The following MTUS2 variants were observed in gnomAD, a reference collection of about 807,000 sequenced individuals.
The protein encoded by MTUS2 is microtubule-associated tumor suppressor candidate 2.
A neutral mutation model predicts 114.1 loss-of-function variants in MTUS2; 40 were observed. That is an observed-to-expected ratio of 0.35 (90% confidence interval 0.27 to 0.46). The LOEUF (loss-of-function observed/expected upper bound fraction) is 0.46. Among genes scored for constraint, MTUS2 ranks in the 20% least tolerant of loss-of-function variants. The probability of loss-of-function intolerance (pLI) is 1.00; values close to 1 mark genes in which losing one functional copy is unlikely to be tolerated. For synonymous variants in MTUS2, 688 were observed against 672.0 expected, an observed-to-expected ratio of 1.02 and a Z score of -0.37; for missense variants, 1,679 against 1,705.4, an observed-to-expected ratio of 0.98 and a Z score of 0.27.
At chr13:28,822,387 T>C (rs1468326953) in intron 1 of MTUS2, among the ~76,000 whole-genome samples, 1 of 152,222 alleles carries the variant, frequency 6.6e-6, no homozygotes, top group East Asian at 1.9e-4. Flanking sequence ...CGCACTTTTA[T>C]AATGAATTGC....
chr13:28,910,709 T>C (rs1431274132), intron 2 of MTUS2, among the ~76,000 whole-genome samples: 1 of 152,142 alleles, frequency 6.6e-6, no homozygotes, highest in East Asian at 1.9e-4. Flanking sequence ...AAGGACATGA[T>C]CTCATTTCTT....
chr13:29,072,838 T>A (rs1018872503), intron 4 of MTUS2, among the ~76,000 whole-genome samples: 2 of 152,236 alleles, frequency 1.3e-5, no homozygotes, highest in South Asian at 2.1e-4. Context: ...CTGAAAGATA[T>A]TAGTACAAGG....
chr13:29,108,451 A>G (rs1299283560), intron 5 of MTUS2, among the ~76,000 whole-genome samples: 1 of 152,216 alleles, frequency 6.6e-6, no homozygotes, highest in Non-Finnish European at 1.5e-5. Flanking sequence ...TAGTACAAAT[A>G]ATGTCTAGTT....
intron 5 of MTUS2, among the ~76,000 whole-genome samples, chr13:29,254,168 C>T (rs985288887): frequency 6.6e-6 from 1 of 152,160 alleles, no homozygotes; most frequent in African/African-American, 2.4e-5. Flanking sequence ...GCAATTATGG[C>T]TAATTGTGAA....
At chr13:29,082,910 G>T (rs1178089786) in intron 4 of MTUS2, among the ~76,000 whole-genome samples, 2 of 152,158 alleles carry the variant, frequency 1.3e-5, no homozygotes, top group Admixed American at 1.3e-4. Flanking sequence ...AGCTTTTATA[G>T]TGAGGAGTCT....
In MTUS2 at chr13:28,903,888, A is replaced by T. The variant is rs568100625; in HGVS notation, c.-243+64038A>T. 2.9e-4 allele frequency among the ~76,000 whole-genome samples: 44 copies of T among 152,122 alleles called. No homozygotes were observed. The East Asian group carries it at 6.4e-3, about 22-fold the overall frequency. ...TTTACAGTCCCACCAACAGTGTAAA[A>T]GTGTTCCTATTTCTCCACATCCTCT... On this transcript the variant is annotated intron_variant, in intron 2 of 15. Transcript: ENST00000612955.
chr13:29,088,781 AG>A (rs1889810300), intron 4 of MTUS2, among the ~76,000 whole-genome samples: 1 of 152,194 alleles, frequency 6.6e-6, no homozygotes. Context: ...AGATAAAAAT[AG>A]CAACCCCTGT....
intron 5 of MTUS2, among the ~76,000 whole-genome samples, chr13:29,275,985 T>G (rs1301615021): frequency 6.6e-6 from 1 of 152,248 alleles, no homozygotes; most frequent in Non-Finnish European, 1.5e-5. Flanking sequence ...TTTACACCTT[T>G]GTTTTCTTCT....
At chr13:29,392,528 G>A (rs775350480) in intron 8 of MTUS2, among the ~76,000 whole-genome samples, 3 of 152,150 alleles carry the variant, frequency 2.0e-5, no homozygotes, top group African/African-American at 2.4e-5. Context: ...GGGAAATTAA[G>A]GAATGAATTT....
Position 29,207,524 on chromosome 13 carries a change from A to G in MTUS2, c.2645-74180A>G, listed in dbSNP as rs540783068. Among the ~76,000 whole-genome samples, 4 of 152,236 alleles carry G rather than the reference A, an allele frequency of 2.6e-5. No homozygotes were observed. In the East Asian group the frequency reaches 7.7e-4, roughly 29 times the overall value. On this transcript the variant is annotated intron_variant, in intron 5 of 15. Coordinates refer to ENST00000612955, the MANE Select transcript of MTUS2 (RefSeq NM_001033602.4). ...TCCAGTTCTCAGAGGGAATGCTTTT[A>G]GCTTTTCCCCATTCAGTATAATGTT...
intron 4 of MTUS2, among the ~76,000 whole-genome samples, chr13:29,052,991 A>C (rs1446324699): frequency 6.6e-6 from 1 of 152,144 alleles, no homozygotes; most frequent in South Asian, 2.1e-4. Flanking sequence ...CTCTGTGAAG[A>C]GGTACCTTCC....
chr13:29,351,896 T>G (rs532147058), intron 7 of MTUS2, among the ~76,000 whole-genome samples: 1 of 152,108 alleles, frequency 6.6e-6, no homozygotes, highest in South Asian at 2.1e-4. Flanking sequence ...ATTACAGGCA[T>G]GAGTGAGCCA....
chr13:29,348,285 T>C (rs9508396), intron 7 of MTUS2, among the ~76,000 whole-genome samples: 110,430 of 151,412 alleles, frequency 0.73, 44,337 homozygotes, highest in East Asian at 0.9. Flanking sequence ...TTTAGGAGCT[T>C]TGTGACAGGA....
chr13:29,199,501 T>G (rs1894846411), intron 5 of MTUS2, among the ~76,000 whole-genome samples: 1 of 152,212 alleles, frequency 6.6e-6, no homozygotes. Flanking sequence ...TTTATTGATT[T>G]GCATATGTTG....
chr13:28,910,234 T>C (rs112189425), intron 2 of MTUS2, among the ~76,000 whole-genome samples: 3,525 of 152,280 alleles, frequency 0.023, 134 homozygotes, highest in African/African-American at 0.079. Context: ...TCCACAGGTT[T>C]AATTGTTTTG....
chr13:29,245,594 C>T (rs1896891192), intron 5 of MTUS2, among the ~76,000 whole-genome samples: 1 of 152,184 alleles, frequency 6.6e-6, no homozygotes, highest in South Asian at 2.1e-4. Flanking sequence ...TTTGAAGATC[C>T]CTCTATCACT....
In MTUS2 at chr13:29,007,838, G is replaced by C. The variant is rs114664233; in HGVS notation, c.-242-16619G>C. Reference sequence around the variant, plus strand: ...ATCAACTGTTTATGTTATCCATAAGGCTTCTGCTCAGCAGCAGGCTATTAA... The same window carrying C: ...ATCAACTGTTTATGTTATCCATAAGCCTTCTGCTCAGCAGCAGGCTATTAA... On this transcript the variant is annotated intron_variant, in intron 2 of 15. Transcript: ENST00000612955. Among the ~76,000 whole-genome samples, 1,337 of 152,212 alleles carry C rather than the reference G, an allele frequency of 8.8e-3. 18 individuals are homozygous for C. The highest frequency in any genetic ancestry group is 0.031 in the African/African-American group (1,279 of 41,514).
chr13:29,366,695 G>A (rs1436048944), intron 8 of MTUS2, among the ~76,000 whole-genome samples: 1 of 152,148 alleles, frequency 6.6e-6, no homozygotes, highest in East Asian at 1.9e-4. Flanking sequence ...AACCTTTGTG[G>A]AGCATCTGAA....
chr13:29,177,917 A>C (rs1463397450), intron 5 of MTUS2, among the ~76,000 whole-genome samples: 1 of 152,054 alleles, frequency 6.6e-6, no homozygotes, highest in Non-Finnish European at 1.5e-5. Context: ...TCCCTGGTGC[A>C]CTCTTGCTTG....
Sources: gnomAD v4.1 joint callset for allele counts (sites outside exome capture counted in the v4.1 genomes callset) on GRCh38, gnomAD v4.1.1 for gene constraint, MANE v1.5 for transcripts, NCBI Gene and HGNC (gene_info 2026-07-23, HGNC 2026-07-21) for gene names.